CSRNP3: variants seen among roughly 807,000 people sequenced by gnomAD.
The protein encoded by CSRNP3 is cysteine/serine-rich nuclear protein 3.
A neutral mutation model predicts 48.0 loss-of-function variants in CSRNP3; 12 were observed. The ratio of observed to expected loss-of-function variants is 0.25; its 90% CI spans 0.16 to 0.41. CSRNP3 has a LOEUF of 0.41. Among genes scored for constraint, CSRNP3 ranks in the 10% least tolerant of loss-of-function variants. The probability of loss-of-function intolerance (pLI) is 1.00; values close to 1 mark genes in which losing one functional copy is unlikely to be tolerated. For missense variants in CSRNP3, 580 were observed against 724.4 expected, an observed-to-expected ratio of 0.80 and a Z score of 2.29; for synonymous variants, 263 against 269.7, an observed-to-expected ratio of 0.98 and a Z score of 0.24.
chr2:165,664,731 G>A (rs572322435), intron 5 of CSRNP3, among the ~76,000 whole-genome samples: 60 of 152,144 alleles, frequency 3.9e-4, no homozygotes, highest in South Asian at 1.9e-3. Context: ...AATATGTTAC[G>A]TTATCTTCTC....
intron 3 of CSRNP3, among the ~76,000 whole-genome samples, chr2:165,554,152 C>T (rs1259034939): frequency 6.6e-6 from 1 of 152,158 alleles, no homozygotes; most frequent in Non-Finnish European, 1.5e-5. Flanking sequence ...CGCTACTCCT[C>T]ATTTTTTTAA....
intron 3 of CSRNP3, 83 bp from the exon 4 acceptor site, chr2:165,594,960 A>G: frequency 8.1e-7 from 1 of 1,232,936 alleles, no homozygotes; most frequent in Non-Finnish European, 1.1e-6. Flanking sequence ...ATAAAAAGCC[A>G]CATAAAAATG....
intron 4 of CSRNP3, among the ~76,000 whole-genome samples, chr2:165,625,615 C>T (rs1686418030): frequency 6.8e-6 from 1 of 147,950 alleles, no homozygotes; most frequent in Non-Finnish European, 1.5e-5. Context: ...ACCTCAGCAA[C>T]AGAGTGAGAT....
intron 4 of CSRNP3, among the ~76,000 whole-genome samples, chr2:165,642,751 G>A (rs1356973741): frequency 6.6e-6 from 1 of 152,032 alleles, no homozygotes; most frequent in East Asian, 1.9e-4. Context: ...TAGTAGAGAT[G>A]GGGTTTTGCC....
intron 1 of CSRNP3, among the ~76,000 whole-genome samples, chr2:165,480,328 AC>A: frequency 6.6e-6 from 1 of 152,260 alleles, no homozygotes; most frequent in South Asian, 2.1e-4. Context: ...TGTAACATAA[AC>A]ATAGCAACAT....
intron 3 of CSRNP3, among the ~76,000 whole-genome samples, chr2:165,532,593 A>G (rs1035016223): frequency 1.3e-5 from 2 of 151,728 alleles, no homozygotes; most frequent in African/African-American, 4.8e-5. Flanking sequence ...ACAAACCCAC[A>G]GCCAATATCA....
chr2:165,632,063 A>G (rs1219040495), intron 4 of CSRNP3, among the ~76,000 whole-genome samples: 1 of 152,260 alleles, frequency 6.6e-6, no homozygotes, highest in Non-Finnish European at 1.5e-5. Context: ...GGCCAGGCCT[A>G]GAAATGATAA....
intron 4 of CSRNP3, among the ~76,000 whole-genome samples, chr2:165,637,771 T>C (rs550852050): frequency 6.6e-6 from 1 of 152,202 alleles, no homozygotes; most frequent in Non-Finnish European, 1.5e-5. Flanking sequence ...AATGGAGAAT[T>C]TACAGTCTTT....
At chr2:165,623,684 A>G (rs993418001) in intron 4 of CSRNP3, among the ~76,000 whole-genome samples, 1 of 152,186 alleles carries the variant, frequency 6.6e-6, no homozygotes, top group Non-Finnish European at 1.5e-5. Flanking sequence ...ATATTTACAT[A>G]CTGACTTTTT....
intron 1 of CSRNP3, among the ~76,000 whole-genome samples, chr2:165,471,179 G>A (rs1471910735): frequency 2.0e-5 from 3 of 151,922 alleles, no homozygotes; most frequent in Admixed American, 6.6e-5. Context: ...TTAATAACAT[G>A]TTTATATGGT....
chr2:165,569,582 C>A lies in CSRNP3; in HGVS notation c.-23-25461C>A, dbSNP rs1246943832. Among the ~76,000 whole-genome samples, 3 of 151,934 alleles carry A rather than the reference C, an allele frequency of 2.0e-5. No homozygotes were observed. In the East Asian group the frequency reaches 5.8e-4, roughly 29 times the overall value. On this transcript the variant is annotated intron_variant, in intron 3 of 6. Coordinates refer to ENST00000651982, the MANE Select transcript of CSRNP3 (RefSeq NM_001172173.2). ...TTTCCAATTCACAGCTTTTAATATG[C>A]CAAAGTAAATTAAAACATCCTTTTA... is the stretch of plus-strand genomic sequence containing the variant.
At position 165,676,328 on chromosome 2, in the gene CSRNP3, C is replaced by G; in HGVS notation, c.425C>G (p.Thr142Arg). The change falls in exon 6 of 7, where the codon ACA (threonine) becomes AGA (arginine). Residue 142 changes from threonine (T) to arginine (R), a missense_variant. Thr to Arg is a moderately conservative substitution (Grantham distance 71). Coordinates refer to ENST00000651982, the MANE Select transcript of CSRNP3 (RefSeq NM_001172173.2). ...TGTTTTTAGATGACTAAGAATGGCA[C>G]AGTAGAATCAGAAGAAGCCAGCACT... The part of the protein sequence containing the change: ...SLKLKMTKNG[T>R]VESEEASTLT... 6.2e-7 allele frequency: 1 copy of G among 1,613,636 alleles called. No homozygotes were observed. The highest frequency in any genetic ancestry group is 8.5e-7 in the Non-Finnish European group (1 of 1,179,708).
intron 5 of CSRNP3, among the ~76,000 whole-genome samples, chr2:165,671,153 T>G (rs971737644): frequency 1.3e-5 from 2 of 152,206 alleles, no homozygotes; most frequent in African/African-American, 4.8e-5. Flanking sequence ...TCTGTAAGTA[T>G]GTCTTAGAGA....
chr2:165,660,049 T>A (rs192373254), intron 5 of CSRNP3, among the ~76,000 whole-genome samples: 7 of 152,288 alleles, frequency 4.6e-5, no homozygotes, highest in Non-Finnish European at 8.8e-5. Flanking sequence ...ATTGTTGTTG[T>A]TTTTTATGCT....
At chr2:165,676,255 T>C in intron 5 of CSRNP3, 57 bp from the exon 6 acceptor site, 1 of 1,332,990 alleles carries the variant, frequency 7.5e-7, no homozygotes, top group East Asian at 2.3e-5. Flanking sequence ...AGTACAAACA[T>C]ACAGATTTTG....
At chr2:165,501,882 T>A (rs1383452391) in intron 2 of CSRNP3, among the ~76,000 whole-genome samples, 1 of 152,124 alleles carries the variant, frequency 6.6e-6, no homozygotes, top group African/African-American at 2.4e-5. Flanking sequence ...ATGCATACAC[T>A]ATTGCCAGTC....
chr2:165,513,296 C>T (rs1016008611), intron 2 of CSRNP3, among the ~76,000 whole-genome samples: 1 of 152,120 alleles, frequency 6.6e-6, no homozygotes, highest in African/African-American at 2.4e-5. Flanking sequence ...AACTATTTCA[C>T]TGAATTTACA....
chr2:165,632,700 A>C (rs1002677298), intron 4 of CSRNP3, among the ~76,000 whole-genome samples: 8 of 152,242 alleles, frequency 5.3e-5, no homozygotes, highest in African/African-American at 1.9e-4. Context: ...AAAGGAACTT[A>C]AATGAGTATT....
At chr2:165,612,558 C>T (rs761137980) in intron 4 of CSRNP3, among the ~76,000 whole-genome samples, 1 of 151,898 alleles carries the variant, frequency 6.6e-6, no homozygotes, top group Non-Finnish European at 1.5e-5. Flanking sequence ...TATTCATCAA[C>T]GTCTTCCTGT....
Sources: allele counts gnomAD v4.1 joint callset (sites outside exome capture counted in the v4.1 genomes callset), GRCh38; gene constraint gnomAD v4.1.1; transcripts MANE v1.5; gene names NCBI Gene and HGNC (gene_info 2026-07-23, HGNC 2026-07-21).